Variants in NAALADL2 observed in about 807,000 individuals in gnomAD.
NAALADL2 encodes inactive N-acetylated-alpha-linked acidic dipeptidase-like protein 2.
NAALADL2 carries 76 observed loss-of-function variants against 87.2 expected under a neutral mutation model. The ratio of observed to expected loss-of-function variants is 0.87; its 90% CI spans 0.72 to 1.05. NAALADL2 has a LOEUF of 1.05. Ranked by LOEUF, NAALADL2 falls within the 50% of genes least tolerant of loss-of-function variation. The probability of loss-of-function intolerance (pLI) is 0.00; values close to 1 mark genes in which losing one functional copy is unlikely to be tolerated. For missense variants in NAALADL2, 1,089 were observed against 945.8 expected (o/e 1.15, Z -1.99); for synonymous variants, 354 against 331.0 (o/e 1.07, Z -0.75).
chr3:174,463,904 A>G (rs564844185), intron 1 of NAALADL2, among the ~76,000 whole-genome samples: 1 of 152,140 alleles, frequency 6.6e-6, no homozygotes, highest in African/African-American at 2.4e-5. Flanking sequence ...GGCCAAGATT[A>G]TCTTTTTTCT....
At chr3:175,263,183 T>C (rs752260946) in intron 4 of NAALADL2, among the ~76,000 whole-genome samples, 15 of 151,920 alleles carry the variant, frequency 9.9e-5, no homozygotes, top group Non-Finnish European at 1.5e-5. Context: ...TTTCCAATGA[T>C]GGAAGTAAAT....
intron 2 of NAALADL2, among the ~76,000 whole-genome samples, chr3:175,209,027 A>G (rs1478216507): frequency 1.3e-5 from 2 of 152,144 alleles, no homozygotes; most frequent in East Asian, 3.9e-4. Flanking sequence ...TTCTATTCTG[A>G]CATTAAAAAG....
chr3:174,707,228 A>T (rs1177867993), intron 2 of NAALADL2, among the ~76,000 whole-genome samples: 2 of 152,180 alleles, frequency 1.3e-5, no homozygotes, highest in South Asian at 2.1e-4. Context: ...GTTGTGGAAG[A>T]CAGTGTGGCG....
chr3:175,387,632 G>T (rs145605330), intron 5 of NAALADL2, among the ~76,000 whole-genome samples: 291 of 152,052 alleles, frequency 1.9e-3, no homozygotes, highest in African/African-American at 6.7e-3. Context: ...TAATGTAAAA[G>T]AATAAAACAA....
In NAALADL2 at chr3:174,786,308, G is replaced by A. The variant is rs536454172; in HGVS notation, c.-9+48562G>A. On this transcript the variant is annotated intron_variant, in intron 3 of 3. Coordinates refer to the NAALADL2 transcript ENST00000434257. ...TACTAAAAATACCAAAAAATTAGCC[G>A]GGTGTGGTGGCATGCGCTTGTAGTC... Among the ~76,000 whole-genome samples, 8 of 151,800 alleles carry A rather than the reference G, an allele frequency of 5.3e-5. No individual in the cohort carries two copies. The East Asian group carries it at 1.4e-3, about 26-fold the overall frequency.
At chr3:174,627,748 T>C (rs972293467) in intron 2 of NAALADL2, among the ~76,000 whole-genome samples, 1 of 152,176 alleles carries the variant, frequency 6.6e-6, no homozygotes, top group African/African-American at 2.4e-5. Flanking sequence ...AGTACCACAA[T>C]ACTAGTTGGC....
chr3:175,141,677 T>C (rs575149811), intron 2 of NAALADL2, among the ~76,000 whole-genome samples: 3 of 152,118 alleles, frequency 2.0e-5, no homozygotes, highest in Non-Finnish European at 4.4e-5. Context: ...GGCATACTTA[T>C]ACAGATTGAT....
chr3:174,602,729 T>G (rs1402707627), intron 2 of NAALADL2, among the ~76,000 whole-genome samples: 1 of 152,036 alleles, frequency 6.6e-6, no homozygotes, highest in Non-Finnish European at 1.5e-5. Context: ...GACTTTCATA[T>G]TTCCCTCATT....
chr3:175,609,890 G>A (rs569646605), intron 10 of NAALADL2, among the ~76,000 whole-genome samples: 4 of 152,172 alleles, frequency 2.6e-5, no homozygotes, highest in South Asian at 2.1e-4. Context: ...ACTAGAACAA[G>A]CACCAGTCTC....
intron 13 of NAALADL2, among the ~76,000 whole-genome samples, chr3:175,790,801 C>CAAAAAGATAACTCTTTCTTTCACACTTAA (rs1752686708): frequency 6.6e-6 from 1 of 152,126 alleles, no homozygotes; most frequent in Non-Finnish European, 1.5e-5. Flanking sequence ...GGTTCATTTT[C>CAAAAAGATAACTCTTTCTTTCACACTTAA]AAAAAGATAA....
chr3:174,501,807 G>T (rs1000503415), intron 1 of NAALADL2, among the ~76,000 whole-genome samples: 2 of 151,606 alleles, frequency 1.3e-5, no homozygotes, highest in East Asian at 3.9e-4. Context: ...CATTAATCTG[G>T]CTAGAAGTTT....
intron 2 of NAALADL2, among the ~76,000 whole-genome samples, chr3:175,175,390 A>C: frequency 6.6e-6 from 1 of 151,976 alleles, no homozygotes; most frequent in East Asian, 1.9e-4. Flanking sequence ...TTGTGGCCCC[A>C]TGTAGTCTAT....
intron 2 of NAALADL2, among the ~76,000 whole-genome samples, chr3:174,589,133 G>C (rs989271031): frequency 4.6e-5 from 7 of 152,290 alleles, no homozygotes; most frequent in Non-Finnish European, 7.4e-5. Flanking sequence ...AGACTACTGT[G>C]CTAGCAGCGA....
chr3:174,980,949 A>T (rs73881585), intron 1 of NAALADL2, among the ~76,000 whole-genome samples: 2,226 of 152,278 alleles, frequency 0.015, 38 homozygotes, highest in African/African-American at 0.051. Flanking sequence ...GCTGATATGA[A>T]AATATATTCA....
intron 2 of NAALADL2, among the ~76,000 whole-genome samples, chr3:174,726,193 A>G (rs1372247421): frequency 6.6e-6 from 1 of 152,134 alleles, no homozygotes; most frequent in Non-Finnish European, 1.5e-5. Flanking sequence ...CTCTGTATAC[A>G]TCTATTAAAA....
intron 10 of NAALADL2, among the ~76,000 whole-genome samples, chr3:175,623,411 G>A (rs1289791778): frequency 2.0e-5 from 3 of 152,096 alleles, no homozygotes; most frequent in Admixed American, 1.3e-4. Flanking sequence ...GCTCTTAGAA[G>A]CACTCTTCCA....
chr3:175,172,932 G>A (rs1735070258), intron 2 of NAALADL2, among the ~76,000 whole-genome samples: 1 of 152,092 alleles, frequency 6.6e-6, no homozygotes, highest in Admixed American at 6.6e-5. Flanking sequence ...TTCAAGCAAA[G>A]GAATAAAAGT....
At chr3:174,715,917 A>T (rs1429739454) in intron 2 of NAALADL2, among the ~76,000 whole-genome samples, 1 of 152,012 alleles carries the variant, frequency 6.6e-6, no homozygotes. Context: ...GGTGTGTTTT[A>T]TTTTTTGTAG....
intron 4 of NAALADL2, among the ~76,000 whole-genome samples, chr3:175,268,052 T>C (rs1243016740): frequency 6.6e-6 from 1 of 152,216 alleles, no homozygotes; most frequent in Admixed American, 6.5e-5. Flanking sequence ...GTTACTTGAA[T>C]AATACAGGCA....
Sources: allele counts gnomAD v4.1 joint callset (sites outside exome capture counted in the v4.1 genomes callset), GRCh38; gene constraint gnomAD v4.1.1; transcripts MANE v1.5; gene names NCBI Gene and HGNC (gene_info 2026-07-23, HGNC 2026-07-21).